HECW2: variants seen among roughly 807,000 people sequenced by gnomAD.
The protein encoded by HECW2 is HECT, C2 and WW domain containing E3 ubiquitin protein ligase 2.
HECW2 carries 61 observed loss-of-function variants against 175.2 expected under a neutral mutation model. The observed-to-expected ratio is 0.35, with a 90% CI of 0.28 to 0.43. The LOEUF is 0.43. HECW2 is among the 20% of genes least tolerant of loss of function. The pLI is 1.00. For missense variants in HECW2, 1,524 were observed against 2,000.5 expected (o/e 0.76, Z 4.54); for synonymous variants, 671 against 731.0 (o/e 0.92, Z 1.32).
chr2:196,422,733 T>C (rs1695440174), intron 2 of HECW2, among the ~76,000 whole-genome samples: 1 of 152,164 alleles, frequency 6.6e-6, no homozygotes, highest in Non-Finnish European at 1.5e-5. Flanking sequence ...GCTCTTACTT[T>C]CTAAGAGCAT....
In HECW2 at chr2:196,195,148, G is replaced by C. The variant is rs1222861006; in HGVS notation, c.*6129C>G. ...GTAATTTTATCTTTTAGAGCATTAG[G>C]GTCCTAAAAGAACATCCCATTCTGT... On this transcript the variant is annotated 3_prime_UTR_variant, in exon 29 of 29. Coordinates refer to ENST00000644978, the MANE Select transcript of HECW2 (RefSeq NM_001348768.2). The C allele has an allele frequency of 1.3e-5, 2 of 151,950 alleles. No individual in the cohort carries two copies. Among genetic ancestry groups the C allele is most frequent in the Non-Finnish European group, 2.9e-5 (2 of 67,984 alleles). The allele number at this position is 151,950 out of a possible 1,614,324, so 9.4% of individuals were successfully genotyped here.
At chr2:196,430,826 A>G (rs1289159469) in intron 2 of HECW2, among the ~76,000 whole-genome samples, 2 of 152,330 alleles carry the variant, frequency 1.3e-5, no homozygotes, top group East Asian at 1.9e-4. Context: ...TAACATATGC[A>G]TAACTGGCAT....
intron 1 of HECW2, chr2:196,586,491 T>G (rs1032133810): frequency 1.3e-5 from 2 of 152,230 alleles, no homozygotes; most frequent in African/African-American, 4.8e-5. Flanking sequence ...GCCCATCACT[T>G]TGCACAGCAA....
At position 196,451,202 on chromosome 2, in the gene HECW2, G is replaced by A. The variant is rs111666553; in HGVS notation, c.-35-17744C>T. ...TGTAATCCCAGCACTTTGGGAGGCC[G>A]AGGCGGGTGGATCACGAGGTCAAGA... On this transcript the variant is annotated intron_variant, in intron 1 of 28. Coordinates refer to ENST00000644978, the MANE Select transcript of HECW2 (RefSeq NM_001348768.2). Among the ~76,000 whole-genome samples, 743 of 151,790 alleles carry A rather than the reference G, an allele frequency of 4.9e-3. 9 individuals are homozygous for A. The highest frequency in any genetic ancestry group is 0.017 in the African/African-American group (684 of 41,406).
intron 2 of HECW2, among the ~76,000 whole-genome samples, chr2:196,394,010 G>A (rs922087447): frequency 6.6e-6 from 1 of 152,282 alleles, no homozygotes; most frequent in South Asian, 2.1e-4. Context: ...GTAGGGACAT[G>A]GATGAAGCTG....
chr2:196,260,950 G>A (rs190665634), intron 17 of HECW2, among the ~76,000 whole-genome samples: 1 of 152,156 alleles, frequency 6.6e-6, no homozygotes, highest in Non-Finnish European at 1.5e-5. Context: ...TTTTAGATGA[G>A]ATGGATGACA....
chr2:196,520,894 T>C (rs758771570), intron 1 of HECW2, among the ~76,000 whole-genome samples: 11 of 152,154 alleles, frequency 7.2e-5, no homozygotes, highest in Non-Finnish European at 1.6e-4. Flanking sequence ...CATAAAATTA[T>C]TTATAAGGTC....
At chr2:196,244,966 T>C (rs956956009) in intron 19 of HECW2, among the ~76,000 whole-genome samples, 1 of 152,188 alleles carries the variant, frequency 6.6e-6, no homozygotes, top group Non-Finnish European at 1.5e-5. Context: ...TGGTGTTTTA[T>C]TTAAGAAATT....
intron 1 of HECW2, among the ~76,000 whole-genome samples, chr2:196,565,402 G>A (rs1406444766): frequency 3.3e-5 from 5 of 152,176 alleles, no homozygotes; most frequent in African/African-American, 1.2e-4. Flanking sequence ...ACATGCTTTA[G>A]AGATGCTAAG....
chr2:196,325,129 T>C lies in HECW2; in HGVS notation c.592A>G (p.Lys198Glu). ...TCAGGATTGAAGAACATCCCTTTCT[T>C]TAGCCCAACTGCCCTAAGATCTTTA... is the stretch of plus-strand genomic sequence containing the variant. ...TLSDLRAVGL[K>E]KGMFFNPDPY... is the part of the protein sequence containing the mutation. The change falls in exon 6 of 29, where the codon AAG becomes GAG. Residue 198 changes from lysine (K) to glutamate (E), a missense_variant. Transcript: ENST00000644978. 6.2e-7 allele frequency: 1 copy of C among 1,601,978 alleles called. No homozygotes were observed. The highest frequency in any genetic ancestry group is 8.5e-7 in the Non-Finnish European group (1 of 1,175,296).
intron 2 of HECW2, among the ~76,000 whole-genome samples, chr2:196,401,249 A>G (rs1231764513): frequency 6.6e-6 from 1 of 152,266 alleles, no homozygotes; most frequent in Non-Finnish European, 1.5e-5. Flanking sequence ...TAAAGAAATT[A>G]TAGTACAAGC....
chr2:196,365,826 C>T (rs1221056645), intron 2 of HECW2, among the ~76,000 whole-genome samples: 1 of 152,198 alleles, frequency 6.6e-6, no homozygotes, highest in Non-Finnish European at 1.5e-5. Context: ...TACACACACT[C>T]ATTTAATCCT....
chr2:196,413,990 T>C (rs965569148), intron 2 of HECW2, among the ~76,000 whole-genome samples: 13 of 152,230 alleles, frequency 8.5e-5, no homozygotes, highest in African/African-American at 2.9e-4. Context: ...CGTTGTGTGT[T>C]GCTGGTGATC....
intron 21 of HECW2, among the ~76,000 whole-genome samples, chr2:196,234,391 G>A (rs543648067): frequency 3.3e-5 from 5 of 151,846 alleles, no homozygotes; most frequent in East Asian, 1.9e-4. Flanking sequence ...GGACTCAAGC[G>A]ATCCTCCTGC....
chr2:196,475,077 C>T (rs1049505366), intron 1 of HECW2, among the ~76,000 whole-genome samples: 15 of 152,110 alleles, frequency 9.9e-5, no homozygotes, highest in African/African-American at 3.1e-4. Context: ...CAGGGACCAT[C>T]AACAACCAAA....
chr2:196,210,636 T>C (rs1442234601), intron 28 of HECW2, among the ~76,000 whole-genome samples: 2 of 151,968 alleles, frequency 1.3e-5, no homozygotes, highest in Non-Finnish European at 2.9e-5. Flanking sequence ...TCTTTTGAGA[T>C]GGAGTCTCAC....
In HECW2 at chr2:196,504,163, GCAGGCACCTGTAATCC is replaced by G. The variant is rs369604466; in HGVS notation, c.-35-70721_-35-70706del. Reference sequence around the variant, plus strand: ...ATACAAAAATTAGCCAGGCGTGGTGGCAGGCACCTGTAATCCCAGCTACTCGGGAGGCTGAGGCAGG... The same window carrying G: ...ATACAAAAATTAGCCAGGCGTGGTGGCAGCTACTCGGGAGGCTGAGGCAGG... On this transcript the variant is annotated intron_variant, in intron 1 of 28. Coordinates refer to ENST00000644978, the MANE Select transcript of HECW2 (RefSeq NM_001348768.2). Among the ~76,000 whole-genome samples the G allele has an allele frequency of 1.1e-3, 162 of 152,180 alleles. 1 individual carries two copies. The East Asian group carries it at 0.021, about 20-fold the overall frequency.
chr2:196,515,977 A>C (rs1467846891), intron 1 of HECW2, among the ~76,000 whole-genome samples: 1 of 146,150 alleles, frequency 6.8e-6, no homozygotes, highest in East Asian at 2.0e-4. Flanking sequence ...AAAAAGTACA[A>C]AAAAAAAAAA....
At chr2:196,498,205 T>C (rs1022560341) in intron 1 of HECW2, among the ~76,000 whole-genome samples, 5 of 152,210 alleles carry the variant, frequency 3.3e-5, no homozygotes, top group Non-Finnish European at 5.9e-5. Flanking sequence ...GAAACTTATA[T>C]AAATCTCAGA....
Sources: gnomAD v4.1 joint callset for allele counts (sites outside exome capture counted in the v4.1 genomes callset) on GRCh38, gnomAD v4.1.1 for gene constraint, MANE v1.5 for transcripts, NCBI Gene and HGNC (gene_info 2026-07-23, HGNC 2026-07-21) for gene names.